The following CREB5 variants were observed in gnomAD, a reference collection of about 807,000 sequenced individuals.
CREB5 encodes cyclic AMP-responsive element-binding protein 5.
A neutral mutation model predicts 57.1 loss-of-function variants in CREB5; 19 were observed. That is an observed-to-expected ratio of 0.33 (90% CI 0.23 to 0.49). The LOEUF (loss-of-function observed/expected upper bound fraction) is 0.49, where lower values mean the gene tolerates loss of function less well. Ranked by LOEUF, CREB5 falls within the 20% of genes least tolerant of loss-of-function variation. The pLI is 0.99. For synonymous variants in CREB5, 238 were observed against 238.3 expected (o/e 1.00, Z 0.01); for missense variants, 579 against 671.6 (o/e 0.86, Z 1.52).
chr7:28,659,620 T>C (rs1370425898), intron 5 of CREB5, among the ~76,000 whole-genome samples: 1 of 152,164 alleles, frequency 6.6e-6, no homozygotes, highest in Non-Finnish European at 1.5e-5. Flanking sequence ...TTTTTAGTTT[T>C]TAAGCTGCCT....
intron 4 of CREB5, among the ~76,000 whole-genome samples, chr7:28,509,712 G>A (rs1792622343): frequency 6.6e-6 from 1 of 152,122 alleles, no homozygotes; most frequent in Non-Finnish European, 1.5e-5. Flanking sequence ...AAATAATTAA[G>A]CAACCAAAGT....
At chr7:28,672,995 C>T (rs527683696) in intron 5 of CREB5, among the ~76,000 whole-genome samples, 1 of 152,254 alleles carries the variant, frequency 6.6e-6, no homozygotes, top group Non-Finnish European at 1.5e-5. Flanking sequence ...CCAGAAACCA[C>T]CCGCCCCATA....
At chr7:28,709,946 C>T (rs1802320800) in intron 5 of CREB5, among the ~76,000 whole-genome samples, 1 of 152,184 alleles carries the variant, frequency 6.6e-6, no homozygotes, top group African/African-American at 2.4e-5. Context: ...CAGCTTTGAG[C>T]ATTCTAAAGT....
intron 1 of CREB5, among the ~76,000 whole-genome samples, chr7:28,313,600 G>A (rs1436136825): frequency 6.6e-6 from 1 of 152,150 alleles, no homozygotes; most frequent in Admixed American, 6.5e-5. Flanking sequence ...AGTGCCCAGT[G>A]TGTTTCGGGG....
chr7:28,668,695 G>T (rs1398781028), intron 5 of CREB5, among the ~76,000 whole-genome samples: 2 of 152,134 alleles, frequency 1.3e-5, no homozygotes, highest in East Asian at 1.9e-4. Flanking sequence ...TGAAAGCAAC[G>T]GGGAGTATTT....
intron 5 of CREB5, among the ~76,000 whole-genome samples, chr7:28,679,128 T>C (rs1800470810): frequency 6.6e-6 from 1 of 151,420 alleles, no homozygotes; most frequent in African/African-American, 2.4e-5. Context: ...AGGGTTATCC[T>C]GCAGATACGT....
intron 5 of CREB5, among the ~76,000 whole-genome samples, chr7:28,613,540 G>A (rs1797479611): frequency 6.6e-6 from 1 of 152,212 alleles, no homozygotes; most frequent in Non-Finnish European, 1.5e-5. Context: ...AAGAATGATT[G>A]CGACCTTAGA....
chr7:28,405,239 A>C (rs138008882), intron 1 of CREB5, among the ~76,000 whole-genome samples: 8 of 152,342 alleles, frequency 5.3e-5, no homozygotes, highest in Non-Finnish European at 1.2e-4. Flanking sequence ...GTTTAACCAC[A>C]AAATGGGCTT....
At chr7:28,675,577 C>A (rs1338491160) in intron 5 of CREB5, among the ~76,000 whole-genome samples, 2 of 152,164 alleles carry the variant, frequency 1.3e-5, no homozygotes, top group African/African-American at 4.8e-5. Flanking sequence ...ACAAAAGGAT[C>A]TCAATTGTGC....
intron 5 of CREB5, among the ~76,000 whole-genome samples, chr7:28,678,300 A>G (rs1166561218): frequency 6.6e-6 from 1 of 151,934 alleles, no homozygotes; most frequent in Non-Finnish European, 1.5e-5. Flanking sequence ...AGGTGGGAGA[A>G]TTGCTTGAAC....
chr7:28,745,220 C>T (rs998364902), intron 7 of CREB5, among the ~76,000 whole-genome samples: 6 of 152,170 alleles, frequency 3.9e-5, no homozygotes, highest in African/African-American at 7.2e-5. Flanking sequence ...ATCTAGTATT[C>T]AAGTGTTCTC....
At chr7:28,361,879 G>A (rs1364895461) in intron 1 of CREB5, among the ~76,000 whole-genome samples, 3 of 152,148 alleles carry the variant, frequency 2.0e-5, no homozygotes, top group Non-Finnish European at 4.4e-5. Context: ...AAACAGCAAA[G>A]AGCTTCTAAT....
chr7:28,669,544 G>A (rs1799949715), intron 5 of CREB5, among the ~76,000 whole-genome samples: 1 of 152,178 alleles, frequency 6.6e-6, no homozygotes, highest in Admixed American at 6.5e-5. Flanking sequence ...CTGGTGGAGG[G>A]CATACAGGAA....
At chr7:28,644,672 C>A (rs1798823208) in intron 5 of CREB5, among the ~76,000 whole-genome samples, 1 of 151,996 alleles carries the variant, frequency 6.6e-6, no homozygotes, top group Non-Finnish European at 1.5e-5. Context: ...TGAAATATTA[C>A]AGATGTTTAA....
At chr7:28,349,514 G>A (rs549610236) in intron 1 of CREB5, among the ~76,000 whole-genome samples, 2 of 151,988 alleles carry the variant, frequency 1.3e-5, no homozygotes, top group Admixed American at 1.3e-4. Flanking sequence ...CAGGAGAAAG[G>A]GCCAATAGGG....
Position 28,820,230 on chromosome 7 carries a change from A to T in CREB5, c.*951A>T, listed in dbSNP as rs968711656. 3.9e-5 allele frequency: 6 copies of T among 152,606 alleles called. No individual in the cohort carries two copies. The highest frequency in any genetic ancestry group is 1.4e-4 in the African/African-American group (6 of 41,444). The allele number at this position is 152,606 out of a possible 1,614,324, so 9.5% of individuals were successfully genotyped here. A position where few individuals can be genotyped will look rare whatever the true frequency, so the allele number is the denominator to read the frequency against. On this transcript the variant is annotated 3_prime_UTR_variant, in exon 11 of 11. Transcript: ENST00000357727. ...AGACACTAGGGAAGGGAGCTTTGTA[A>T]GCCTTGATTGCGAAAGTCCAAATTT...
chr7:28,619,416 G>A (rs1797712522), intron 5 of CREB5, among the ~76,000 whole-genome samples: 1 of 152,154 alleles, frequency 6.6e-6, no homozygotes, highest in African/African-American at 2.4e-5. Context: ...TCTTTTATTG[G>A]CCTGTTATAA....
At chr7:28,565,941 T>C (rs962476270) in intron 4 of CREB5, among the ~76,000 whole-genome samples, 4 of 152,024 alleles carry the variant, frequency 2.6e-5, no homozygotes, top group African/African-American at 9.7e-5. Context: ...ACAAAAGAAA[T>C]TATGCCATCT....
chr7:28,383,882 T>C (rs376228212), intron 1 of CREB5, among the ~76,000 whole-genome samples: 1 of 152,216 alleles, frequency 6.6e-6, no homozygotes, highest in East Asian at 1.9e-4. Flanking sequence ...CTTTGAAGTG[T>C]CAAGTACACC....
Sources: allele counts gnomAD v4.1 joint callset (sites outside exome capture counted in the v4.1 genomes callset), GRCh38; gene constraint gnomAD v4.1.1; transcripts MANE v1.5; gene names NCBI Gene and HGNC (gene_info 2026-07-23, HGNC 2026-07-21).